The following CARMIL3 variants were observed in gnomAD, a reference collection of about 807,000 sequenced individuals.
The protein encoded by CARMIL3 is capping protein regulator and myosin 1 linker 3, also known as capping protein, Arp2/3 and myosin-I linker protein 3.
CARMIL3 carries 88 observed loss-of-function variants against 180.8 expected under a neutral mutation model. The ratio of observed to expected loss-of-function variants is 0.49; its 90% CI spans 0.41 to 0.58. CARMIL3 has a LOEUF of 0.58. Ranked by LOEUF, CARMIL3 falls within the 20% of genes least tolerant of loss-of-function variation. CARMIL3 has a pLI of 0.00. For missense variants in CARMIL3, 1,548 were observed against 1,787.0 expected (o/e 0.87, Z 2.41); for synonymous variants, 696 against 714.5 (o/e 0.97, Z 0.41).
rs1362460122 is a variant in CARMIL3 at position 24,065,211 on chromosome 14, G to A, written c.3334G>A (p.Glu1112Lys). The A allele has an allele frequency of 1.3e-6, 2 of 1,558,168 alleles. No homozygotes were observed. The highest frequency in any genetic ancestry group is 1.7e-6 in the Non-Finnish European group (2 of 1,157,846). Residue 1112 changes from glutamate (E) to lysine (K), a missense_variant, in exon 33 of 40, where the codon GAG becomes AAG. Physicochemically the swap from Glu to Lys is moderately conservative, Grantham distance 56 (BLOSUM62 1). This residue lies in a region of CARMIL3 where 668 missense variants were observed against 687.8 expected (regional missense o/e 0.97). Transcript: ENST00000342740. ...CTCCTCTCCCTGCTGGAGCCCAGAG[G>A]AGGAGAGCAGCCTCCTCCCTGGATT... ...NNSSPCWSPE[E>K]ESSLLPGFGG...
chr14:24,054,510 G>C lies in CARMIL3; in HGVS notation c.361G>C (p.Gly121Arg). Reference protein sequence around the residue: ...SALSKVCPGPGCLIRRGNADT... With the variant: ...SALSKVCPGPRCLIRRGNADT... ...CCTGTCCAAGGTCTGCCCTGGCCCTGGGTGAGTGGCAAATAAGGGGTCTCT... is the reference window on the plus strand; with the variant it reads ...CCTGTCCAAGGTCTGCCCTGGCCCTCGGTGAGTGGCAAATAAGGGGTCTCT... Residue 121 changes from glycine to arginine, a missense_variant and splice_region_variant, in exon 5 of 40, where the codon GGG becomes CGG. Physicochemically the swap from Gly to Arg is moderately radical, Grantham distance 125. Coordinates refer to ENST00000342740, the MANE Select transcript of CARMIL3 (RefSeq NM_138360.4). This position sits in a 1 kb window ranked among gnomAD's most constrained non-coding sequence, Gnocchi z 5.1. The C allele has an allele frequency of 6.2e-7, 1 of 1,608,982 alleles. No homozygotes were observed. The highest frequency in any genetic ancestry group is 8.5e-7 in the Non-Finnish European group (1 of 1,179,576).
chr14:24,053,055 C>A (rs1164089471), intron 1 of CARMIL3, among the ~76,000 whole-genome samples: 1 of 149,078 alleles, frequency 6.7e-6, no homozygotes, highest in South Asian at 2.1e-4. Context: ...CCCCAGCACA[C>A]GCGCGTGCAC....
chr14:24,063,893 A>C (rs2035757924), intron 31 of CARMIL3, among the ~76,000 whole-genome samples: 1 of 141,194 alleles, frequency 7.1e-6, no homozygotes. Context: ...CAAGAGATCG[A>C]GATCATCCTG....
chr14:24,056,801 C>T (rs921787931), intron 12 of CARMIL3, 93 bp downstream of exon 12: 1 of 1,509,766 alleles, frequency 6.6e-7, no homozygotes, highest in African/African-American at 1.4e-5. Flanking sequence ...TCACACACCA[C>T]CTCAGGGATG....
intron 13 of CARMIL3, 36 bp from the exon 14 acceptor site, chr14:24,057,131 C>A (rs746444080): frequency 6.2e-7 from 1 of 1,607,590 alleles, no homozygotes; most frequent in Non-Finnish European, 8.5e-7. Flanking sequence ...ACTCCATCAT[C>A]CCTTCCCCTG....
chr14:24,064,753 G>A (rs1448736240), intron 32 of CARMIL3, among the ~76,000 whole-genome samples: 1 of 152,162 alleles, frequency 6.6e-6, no homozygotes, highest in African/African-American at 2.4e-5. Flanking sequence ...CAGGGGAGGT[G>A]CCTGGGAAGA....
intron 32 of CARMIL3, 150 bp from the exon 33 acceptor site, chr14:24,064,808 A>C: frequency 1.2e-6 from 1 of 814,916 alleles, no homozygotes; most frequent in Non-Finnish European, 2.0e-6. Flanking sequence ...ACAACGGGAC[A>C]GGAAAGGCAA....
chr14:24,052,135 C>CT lies in CARMIL3; in HGVS notation c.-18dup. 6.4e-7 allele frequency: 1 copy of CT among 1,569,296 alleles called. No individual in the cohort carries two copies. Among genetic ancestry groups the CT allele is most frequent in the Non-Finnish European group, 8.6e-7 (1 of 1,163,746 alleles). On this transcript the variant is annotated 5_prime_UTR_variant, in exon 1 of 40. Transcript: ENST00000342740. ...GCGGCGGCGGCTCCTCTGCAGCAGC[C>CT]TCAGCAGCAGCGGCCGCCATGGCCA...
chr14:24,062,735 G>A lies in CARMIL3; in HGVS notation c.2595G>A (p.Thr865=), dbSNP rs188294950. 1.7e-5 allele frequency: 27 copies of A among 1,611,908 alleles called. No individual in the cohort carries two copies. The East Asian group carries it at 3.3e-4, about 20-fold the overall frequency. ...SLARHLTQLR[T]LSDPPGCPGQ... is the part of the protein sequence containing the mutation. The stretch of plus-strand genomic sequence containing the variant: ...CCCGGCACCTGACCCAGCTAAGGAC[G>A]CTGTCAGATCCACCAGGGTGCCCAG... Residue 865 remains threonine, a synonymous_variant, in exon 29 of 40, where the codon ACG becomes ACA. Coordinates refer to ENST00000342740, the MANE Select transcript of CARMIL3 (RefSeq NM_138360.4).
rs770801565 is a variant in CARMIL3 at position 24,063,574 on chromosome 14, G to C, written c.2979+41G>C. 20 of 1,558,772 alleles carry C rather than the reference G, an allele frequency of 1.3e-5. No individual in the cohort carries two copies. The East Asian group carries it at 4.3e-4, about 33-fold the overall frequency. The stretch of plus-strand genomic sequence containing the variant: ...TTCACAAGAGGATCCCCTTCACTCA[G>C]TGACACCAGAGCCAGGAGTTTTACC... On this transcript the variant is annotated intron_variant, in intron 31 of 39. Transcript: ENST00000342740.
chr14:24,065,684 G>A lies in CARMIL3; in HGVS notation c.3459G>A (p.Arg1153=), dbSNP rs2035780009. 1.4e-5 allele frequency: 22 copies of A among 1,614,120 alleles called. No individual in the cohort carries two copies. Among genetic ancestry groups the A allele is most frequent in the Non-Finnish European group, 1.8e-5 (21 of 1,179,980 alleles). ...GPAPGTAQQP[R]VHGVALPGLE... The stretch of plus-strand genomic sequence containing the variant: ...CCCCTGGGACAGCACAGCAGCCAAG[G>A]GTTCACGGTGTTGCCCTTCCCGGGT... The change falls in exon 34 of 40, where the codon AGG becomes AGA. Residue 1153 remains arginine (R), a synonymous_variant. Coordinates refer to ENST00000342740, the MANE Select transcript of CARMIL3 (RefSeq NM_138360.4).
intron 36 of CARMIL3, among the ~76,000 whole-genome samples, chr14:24,067,857 C>T (rs2035803071): frequency 6.6e-6 from 1 of 152,284 alleles, no homozygotes; most frequent in South Asian, 2.1e-4. Flanking sequence ...CCAGGGCACC[C>T]CTCCATCTAA....
In CARMIL3 at chr14:24,058,893, TC is replaced by T; in HGVS notation, c.1479del (p.Phe493LeufsTer6). The T allele has an allele frequency of 6.2e-7, 1 of 1,614,212 alleles. No individual in the cohort carries two copies. The highest frequency in any genetic ancestry group is 8.5e-7 in the Non-Finnish European group (1 of 1,180,036). ...VGSLDLSDNG[F>X]DSDLLTLVPA... ...GCCTCTCCCATCTGCTCACCAGGGT[TC>T]GACTCGGACCTCCTGACACTGGTGC... On this transcript the variant is annotated frameshift_variant, in exon 19 of 40. Transcript: ENST00000342740. LOFTEE classifies it high-confidence loss of function. This position sits in a 1 kb window ranked among gnomAD's most constrained non-coding sequence, Gnocchi z 6.4.
Position 24,052,109 on chromosome 14 carries a change from G to C in CARMIL3, c.-45G>C. ...CTAGCATGTGCCGCGGCTCCCCGGC[G>C]GCGGCGGCGGCTCCTCTGCAGCAGC... On this transcript the variant is annotated 5_prime_UTR_variant, in exon 1 of 40. Transcript: ENST00000342740. 2 of 1,527,166 alleles carry C rather than the reference G, an allele frequency of 1.3e-6. No homozygotes were observed. The highest frequency in any genetic ancestry group is 1.8e-6 in the Non-Finnish European group (2 of 1,142,576). The allele number at this position is 1,527,166 out of a possible 1,614,324, so 94.6% of individuals were successfully genotyped here. A position where few individuals can be genotyped will look rare whatever the true frequency, so the allele number is the denominator to read the frequency against.
Position 24,056,920 on chromosome 14 carries a change from C to A in CARMIL3, c.958C>A (p.Gln320Lys). The change falls in exon 13 of 40, where the codon CAG (glutamine) becomes AAG (lysine). Residue 320 changes from glutamine (Q) to lysine (K), a missense_variant. By Grantham distance (53) the Gln-to-Lys change is moderately conservative. This residue lies in a region of CARMIL3 where 578 missense variants were observed against 666.5 expected (regional missense o/e 0.87). Coordinates refer to ENST00000342740, the MANE Select transcript of CARMIL3 (RefSeq NM_138360.4). ...AKTAISPRGL[Q>K]ALGQTFGANP... is the part of the protein sequence containing the mutation. Reference sequence around the variant, plus strand: ...CCAGTGCCCGCTGTGCTCAGGGCTCCAGGCACTCGGCCAGACCTTCGGGGC... The same window carrying A: ...CCAGTGCCCGCTGTGCTCAGGGCTCAAGGCACTCGGCCAGACCTTCGGGGC... The A allele has an allele frequency of 2.5e-6, 4 of 1,613,944 alleles. No homozygotes were observed. Among genetic ancestry groups the A allele is most frequent in the Non-Finnish European group, 2.5e-6 (3 of 1,179,958 alleles).
At position 24,058,108 on chromosome 14, in the gene CARMIL3, G is replaced by A. The variant is rs1284393138; in HGVS notation, c.1322+44G>A. ...TGGGGGCGCATCCAAGGGAACCACG[G>A]GGAGCGGGAAGAGGTAAAGGAGGGC... On this transcript the variant is annotated intron_variant, in intron 16 of 39. Transcript: ENST00000342740. The surrounding 1 kb of genome is among the most constrained non-coding windows in gnomAD (Gnocchi z 6.4). 1.9e-6 allele frequency: 3 copies of A among 1,613,680 alleles called. No homozygotes were observed. Among genetic ancestry groups the A allele is most frequent in the Non-Finnish European group, 2.5e-6 (3 of 1,180,000 alleles).
chr14:24,066,238 C>T (rs991465628), intron 34 of CARMIL3, among the ~76,000 whole-genome samples, 160 bp from the exon 35 acceptor site: 1 of 152,028 alleles, frequency 6.6e-6, no homozygotes, highest in Non-Finnish European at 1.5e-5. Context: ...TTTCTTGTGC[C>T]CCTGGGGAGG....
intron 31 of CARMIL3, 32 bp from the exon 32 acceptor site, chr14:24,064,214 T>G: frequency 1.3e-6 from 2 of 1,540,988 alleles, no homozygotes; most frequent in Non-Finnish European, 1.8e-6. Context: ...CTGACCTAGA[T>G]GAGATGTCCC....
chr14:24,064,150 A>T, intron 31 of CARMIL3, 96 bp from the exon 32 acceptor site: 1 of 797,844 alleles, frequency 1.3e-6, no homozygotes, highest in Non-Finnish European at 2.0e-6. Flanking sequence ...CTACATTTCC[A>T]TAAATGTCCA....
Sources: allele counts gnomAD v4.1 joint callset (sites outside exome capture counted in the v4.1 genomes callset), GRCh38; gene constraint gnomAD v4.1.1; regional missense constraint gnomAD v4.1.1; non-coding constraint Gnocchi (gnomAD v3.1); transcripts MANE v1.5; gene names NCBI Gene and HGNC (gene_info 2026-07-23, HGNC 2026-07-21).